The following ITSN1 variants were observed in gnomAD, a reference collection of about 807,000 sequenced individuals.
ITSN1 encodes the protein intersectin 1.
In ITSN1, 58 loss-of-function variants were observed where a neutral mutation model predicts 239.8. The ratio of observed to expected loss-of-function variants is 0.24; its 90% CI spans 0.20 to 0.30. ITSN1 has a LOEUF of 0.30. Among genes scored for constraint, ITSN1 ranks in the 10% least tolerant of loss-of-function variants. ITSN1 has a pLI of 1.00. For synonymous variants in ITSN1, 780 were observed against 770.8 expected (o/e 1.01, Z -0.20); for missense variants, 1,558 against 2,103.3 (o/e 0.74, Z 5.07).
intron 25 of ITSN1, among the ~76,000 whole-genome samples, 166 bp downstream of exon 25, chr21:33,823,819 C>T (rs1023983636): frequency 2.6e-5 from 4 of 152,174 alleles, no homozygotes; most frequent in African/African-American, 9.7e-5. Context: ...TGGCACTGCG[C>T]AGTAAGCACT....
intron 1 of ITSN1, among the ~76,000 whole-genome samples, chr21:33,685,663 C>G (rs1226057492): frequency 6.8e-6 from 1 of 147,394 alleles, no homozygotes; most frequent in African/African-American, 2.5e-5. Context: ...TACTCAAGAT[C>G]AGCAAGTATT....
intron 4 of ITSN1, among the ~76,000 whole-genome samples, chr21:33,726,847 T>G (rs1315882765): frequency 6.6e-6 from 1 of 152,244 alleles, no homozygotes; most frequent in Non-Finnish European, 1.5e-5. Context: ...GATTAAGAAT[T>G]GGAAACTGTG....
At chr21:33,730,046 G>A (rs867137029) in intron 4 of ITSN1, among the ~76,000 whole-genome samples, 4 of 151,874 alleles carry the variant, frequency 2.6e-5, no homozygotes, top group African/African-American at 9.7e-5. Flanking sequence ...TACCTCTTAC[G>A]TGGATATGTT....
intron 1 of ITSN1, among the ~76,000 whole-genome samples, chr21:33,689,786 A>AGT (rs2146634798): frequency 6.6e-6 from 1 of 151,968 alleles, no homozygotes; most frequent in South Asian, 2.1e-4. Context: ...TGGCCAACAT[A>AGT]GTGAAACCCT....
At position 33,866,354 on chromosome 21, in the gene ITSN1, C is replaced by T. The variant is rs76838184; in HGVS notation, c.4075-879C>T. On this transcript the variant is annotated intron_variant, in intron 32 of 39. Coordinates refer to ENST00000381318, the MANE Select transcript of ITSN1 (RefSeq NM_003024.3). ...AGAGAGCAGATGCTGAGCTGCTGGG[C>T]GCCATGGACCACCTAGGGTTTCAGC... Among the ~76,000 whole-genome samples, 486 of 152,336 alleles carry T rather than the reference C, an allele frequency of 3.2e-3. 2 individuals carry two copies. Among genetic ancestry groups the T allele is most frequent in the African/African-American group, 6.0e-3 (250 of 41,578 alleles).
chr21:33,780,131 G>T (rs1190017936), intron 14 of ITSN1, among the ~76,000 whole-genome samples: 3 of 152,114 alleles, frequency 2.0e-5, no homozygotes, highest in Non-Finnish European at 4.4e-5. Context: ...TGTGTCTTTT[G>T]TTAACTCTTG....
intron 29 of ITSN1, among the ~76,000 whole-genome samples, chr21:33,852,980 A>G (rs1364530385): frequency 2.6e-5 from 4 of 152,222 alleles, no homozygotes; most frequent in Non-Finnish European, 5.9e-5. Context: ...TTTTCTAAAT[A>G]TTAAATTTTC....
chr21:33,679,854 C>T lies in ITSN1; in HGVS notation c.-33+37141C>T, dbSNP rs550648494. ...CTGGGACTACAGGTGCCCGCCCCCA[C>T]ATCCAGCTAATTTTTTTGTATTTTT... On this transcript the variant is annotated intron_variant, in intron 1 of 39. Transcript: ENST00000381318. Among the ~76,000 whole-genome samples the T allele has an allele frequency of 1.6e-3, 245 of 151,846 alleles. 1 individual carries two copies. Among genetic ancestry groups the T allele is most frequent in the African/African-American group, 5.5e-3 (230 of 41,476 alleles).
At chr21:33,848,138 T>A (rs2075041329) in intron 29 of ITSN1, among the ~76,000 whole-genome samples, 1 of 152,244 alleles carries the variant, frequency 6.6e-6, no homozygotes, top group Admixed American at 6.5e-5. Context: ...CTGTTAGGGC[T>A]GAACTGTGTC....
chr21:33,754,563 G>A (rs904559849), intron 7 of ITSN1, among the ~76,000 whole-genome samples: 1 of 152,230 alleles, frequency 6.6e-6, no homozygotes, highest in Admixed American at 6.5e-5. Context: ...TGATATTTGT[G>A]TGGACAGTGG....
chr21:33,839,446 G>T (rs920162446), intron 29 of ITSN1, among the ~76,000 whole-genome samples: 5 of 152,148 alleles, frequency 3.3e-5, no homozygotes, highest in Non-Finnish European at 7.3e-5. Context: ...TGGAGTGGGG[G>T]AAGAGGTGTG....
intron 29 of ITSN1, among the ~76,000 whole-genome samples, chr21:33,856,316 A>T (rs573005341): frequency 6.6e-6 from 1 of 152,246 alleles, no homozygotes; most frequent in Admixed American, 6.5e-5. Context: ...AACAATAAGA[A>T]TTTATTGCCA....
At chr21:33,787,094 G>C (rs75580297) in intron 16 of ITSN1, among the ~76,000 whole-genome samples, 2 of 152,302 alleles carry the variant, frequency 1.3e-5, no homozygotes, top group Non-Finnish European at 2.9e-5. Flanking sequence ...CGTGGAGTAT[G>C]ATTGATTCTT....
chr21:33,675,014 C>T (rs1260982978), intron 1 of ITSN1, among the ~76,000 whole-genome samples: 2 of 152,186 alleles, frequency 1.3e-5, no homozygotes, highest in Admixed American at 6.5e-5. Flanking sequence ...ATACTGATAA[C>T]ATACTGAAGT....
At chr21:33,699,449 CT>C in intron 1 of ITSN1, among the ~76,000 whole-genome samples, 1 of 152,304 alleles carries the variant, frequency 6.6e-6, no homozygotes, top group Non-Finnish European at 1.5e-5. Flanking sequence ...ACAAGTCCAG[CT>C]GGCTGGGCAC....
At chr21:33,718,971 G>C in intron 2 of ITSN1, 115 bp downstream of exon 2, 1 of 806,094 alleles carries the variant, frequency 1.2e-6, no homozygotes, top group Non-Finnish European at 2.1e-6. Flanking sequence ...CAGCATTCAT[G>C]TATTCCATCA....
intron 1 of ITSN1, among the ~76,000 whole-genome samples, chr21:33,707,725 CAGTT>C (rs765366274): frequency 1.4e-4 from 22 of 152,142 alleles, no homozygotes; most frequent in Non-Finnish European, 2.9e-4. Flanking sequence ...GCCTGTGTAA[CAGTT>C]GGTTACTTTT....
chr21:33,785,862 T>C (rs1249101946), intron 16 of ITSN1, among the ~76,000 whole-genome samples: 5 of 152,348 alleles, frequency 3.3e-5, no homozygotes, highest in African/African-American at 4.8e-5. Context: ...GTCATATTTA[T>C]ATATTCAAAA....
chr21:33,760,368 G>T (rs1029601145), intron 8 of ITSN1, among the ~76,000 whole-genome samples: 1 of 152,090 alleles, frequency 6.6e-6, no homozygotes, highest in Admixed American at 6.5e-5. Flanking sequence ...CCTCCATAGT[G>T]TTTGAGTATT....
Sources: gnomAD v4.1 joint callset for allele counts (sites outside exome capture counted in the v4.1 genomes callset) on GRCh38, gnomAD v4.1.1 for gene constraint, MANE v1.5 for transcripts, NCBI Gene and HGNC (gene_info 2026-07-23, HGNC 2026-07-21) for gene names.